Variants in SPAG16 observed in about 807,000 individuals in gnomAD.
The protein encoded by SPAG16 is sperm-associated antigen 16 protein.
A neutral mutation model predicts 80.4 loss-of-function variants in SPAG16; 86 were observed. The ratio of observed to expected loss-of-function variants is 1.07; its 90% CI spans 0.90 to 1.28. The LOEUF is 1.28. Among genes scored for constraint, SPAG16 ranks in the 50% most tolerant of loss-of-function variants. The pLI, the probability that SPAG16 is intolerant of heterozygous loss-of-function variation, is 0.00. For synonymous variants in SPAG16, 294 were observed against 265.9 expected (o/e 1.11, Z -1.03); for missense variants, 870 against 765.3 (o/e 1.14, Z -1.61).
chr2:214,109,149 C>A (rs757999727), intron 14 of SPAG16, among the ~76,000 whole-genome samples: 73 of 152,144 alleles, frequency 4.8e-4, no homozygotes, highest in Admixed American at 1.1e-3. Flanking sequence ...TGGTGCCATG[C>A]TCTGGGACTT....
rs940733802 is a variant in SPAG16 at position 214,070,225 on chromosome 2, T to A, written c.1528-37971T>A. Reference sequence around the variant, plus strand: ...GCATAAGTATGTTTATGCTTCTGTGTGATCAAATATACCTATACTTTCCCT... The same window carrying A: ...GCATAAGTATGTTTATGCTTCTGTGAGATCAAATATACCTATACTTTCCCT... On this transcript the variant is annotated intron_variant, in intron 13 of 15. Transcript: ENST00000331683. Among the ~76,000 whole-genome samples the A allele has an allele frequency of 2.0e-5, 3 of 152,192 alleles. No homozygotes were observed. The East Asian group carries it at 5.8e-4, about 29-fold the overall frequency.
intron 12 of SPAG16, among the ~76,000 whole-genome samples, chr2:214,013,481 C>CACTGA (rs2047421960): frequency 2.0e-5 from 3 of 152,140 alleles, no homozygotes; most frequent in African/African-American, 7.2e-5. Flanking sequence ...CCAGTCTCTC[C>CACTGA]CTATTCTCCC....
intron 15 of SPAG16, among the ~76,000 whole-genome samples, chr2:214,179,095 A>T (rs1467969097): frequency 2.0e-5 from 3 of 151,428 alleles, no homozygotes; most frequent in Non-Finnish European, 3.0e-5. Flanking sequence ...ATATTTAGTA[A>T]CACAAAATTT....
At chr2:214,053,403 G>T (rs1316982819) in intron 13 of SPAG16, among the ~76,000 whole-genome samples, 1 of 152,136 alleles carries the variant, frequency 6.6e-6, no homozygotes, top group Non-Finnish European at 1.5e-5. Context: ...AGATGAGAAT[G>T]GGTATGACTG....
At chr2:213,301,814 A>G (rs189253165) in intron 3 of SPAG16, among the ~76,000 whole-genome samples, 1,646 of 152,178 alleles carry the variant, frequency 0.011, 18 homozygotes, top group Admixed American at 0.015. Flanking sequence ...TTTCTCCGTA[A>G]GACCCTGAGC....
chr2:213,982,078 C>T (rs549761861), intron 12 of SPAG16, among the ~76,000 whole-genome samples: 1 of 151,452 alleles, frequency 6.6e-6, no homozygotes, highest in African/African-American at 2.4e-5. Flanking sequence ...ACAAATATGT[C>T]CTTAGTGAAA....
chr2:213,710,993 A>G (rs1352815572), intron 10 of SPAG16, among the ~76,000 whole-genome samples: 2 of 152,194 alleles, frequency 1.3e-5, no homozygotes, highest in Admixed American at 1.3e-4. Flanking sequence ...ATATAGGAAT[A>G]AACAACGAAA....
At chr2:213,593,472 T>C (rs1056445632) in intron 10 of SPAG16, among the ~76,000 whole-genome samples, 9 of 152,184 alleles carry the variant, frequency 5.9e-5, no homozygotes, top group African/African-American at 2.2e-4. Flanking sequence ...GTTAAAAGTA[T>C]ACCTTTTTAG....
intron 10 of SPAG16, among the ~76,000 whole-genome samples, chr2:213,669,927 G>C (rs542800615): frequency 3.4e-4 from 52 of 151,946 alleles, no homozygotes; most frequent in African/African-American, 1.1e-3. Context: ...CTTCTTCCTG[G>C]GTGATTAGAT....
chr2:213,346,326 A>T (rs2064987110), intron 6 of SPAG16, among the ~76,000 whole-genome samples: 1 of 152,204 alleles, frequency 6.6e-6, no homozygotes, highest in Non-Finnish European at 1.5e-5. Flanking sequence ...GTCATCTGCA[A>T]GCAGGGACAA....
intron 11 of SPAG16, among the ~76,000 whole-genome samples, chr2:213,896,560 A>G (rs1334131777): frequency 6.9e-6 from 1 of 144,400 alleles, no homozygotes; most frequent in Non-Finnish European, 1.5e-5. Context: ...CAATGGTTAA[A>G]TGGATAAAAT....
At chr2:214,248,342 A>G (rs1023281347) in intron 15 of SPAG16, among the ~76,000 whole-genome samples, 1 of 147,618 alleles carries the variant, frequency 6.8e-6, no homozygotes, top group Non-Finnish European at 1.5e-5. Flanking sequence ...TTATTGAGAC[A>G]GAGTCTTGCT....
At chr2:214,024,129 A>G (rs2048021750) in intron 13 of SPAG16, among the ~76,000 whole-genome samples, 1 of 151,654 alleles carries the variant, frequency 6.6e-6, no homozygotes, top group African/African-American at 2.4e-5. Context: ...CTCCTGTCAT[A>G]GTTGAGACAC....
chr2:213,989,734 T>C (rs935359489), intron 12 of SPAG16, among the ~76,000 whole-genome samples: 1 of 152,146 alleles, frequency 6.6e-6, no homozygotes, highest in Admixed American at 6.6e-5. Flanking sequence ...GAAAATTGTA[T>C]AATGTTCAAA....
At position 213,742,553 on chromosome 2, in the gene SPAG16, T is replaced by TCG. The variant is rs1553621197; in HGVS notation, c.1071-119932_1071-119931insCG. 2.7e-3 allele frequency among the ~76,000 whole-genome samples: 356 copies of TCG among 131,630 alleles called. 7 individuals carry two copies. The highest frequency in any genetic ancestry group is 7.9e-3 in the Middle Eastern group (2 of 252). The allele number at this position is 131,630 out of a possible 152,430, so 86.4% of individuals were successfully genotyped here. A position where few individuals can be genotyped will look rare whatever the true frequency, so the allele number is the denominator to read the frequency against. On this transcript the variant is annotated intron_variant, in intron 10 of 15. Transcript: ENST00000331683. Reference sequence around the variant, plus strand: ...TGTCTTATTTTGCTTATTTCTTTTTTTTTTTTTTTTTTTTTTGAGACGAAG... The same window carrying TCG: ...TGTCTTATTTTGCTTATTTCTTTTTTCGTTTTTTTTTTTTTTTTGAGACGAAG...
At chr2:214,196,850 C>T (rs1176319997) in intron 15 of SPAG16, among the ~76,000 whole-genome samples, 2 of 151,786 alleles carry the variant, frequency 1.3e-5, no homozygotes, top group African/African-American at 4.8e-5. Context: ...CAATATAATC[C>T]ATCAAAACCA....
At chr2:214,081,676 A>G (rs563058619) in intron 13 of SPAG16, among the ~76,000 whole-genome samples, 1 of 152,228 alleles carries the variant, frequency 6.6e-6, no homozygotes, top group East Asian at 1.9e-4. Context: ...CTGGGAGAAA[A>G]TTCATTTCTG....
chr2:214,390,848 A>G (rs911140243), intron 15 of SPAG16, among the ~76,000 whole-genome samples: 2 of 152,232 alleles, frequency 1.3e-5, no homozygotes, highest in African/African-American at 4.8e-5. Context: ...AAGGCTTGGC[A>G]AAAGAGACAA....
intron 10 of SPAG16, among the ~76,000 whole-genome samples, chr2:213,845,337 G>A (rs990267039): frequency 8.6e-5 from 13 of 151,726 alleles, no homozygotes; most frequent in Non-Finnish European, 1.8e-4. Context: ...AGCTGGGACT[G>A]CAGGCATCCG....
Sources: gnomAD v4.1 joint callset for allele counts (sites outside exome capture counted in the v4.1 genomes callset) on GRCh38, gnomAD v4.1.1 for gene constraint, MANE v1.5 for transcripts, NCBI Gene and HGNC (gene_info 2026-07-23, HGNC 2026-07-21) for gene names.